Variants in CA10 observed in about 807,000 individuals in gnomAD.
The protein encoded by CA10 is carbonic anhydrase 10 (inactive), also known as carbonic anhydrase-related protein 10.
CA10 carries 14 observed loss-of-function variants against 44.2 expected under a neutral mutation model. The ratio of observed to expected loss-of-function variants is 0.32; its 90% CI spans 0.21 to 0.50. The LOEUF (loss-of-function observed/expected upper bound fraction) is 0.50. Ranked by LOEUF, CA10 falls within the 20% of genes least tolerant of loss-of-function variation. The pLI is 0.99. For synonymous variants in CA10, 159 were observed against 141.6 expected, an observed-to-expected ratio of 1.12 and a Z score of -0.87; for missense variants, 350 against 409.7, an observed-to-expected ratio of 0.85 and a Z score of 1.26.
At chr17:51,735,154 T>C (rs1916857498) in intron 4 of CA10, among the ~76,000 whole-genome samples, 1 of 152,124 alleles carries the variant, frequency 6.6e-6, no homozygotes, top group African/African-American at 2.4e-5. Flanking sequence ...TTGTTAGATA[T>C]GGATGGAGGA....
chr17:51,723,355 A>G (rs770248294), intron 4 of CA10, among the ~76,000 whole-genome samples: 13 of 152,200 alleles, frequency 8.5e-5, no homozygotes, highest in Non-Finnish European at 1.8e-4. Flanking sequence ...AGGATGAATC[A>G]TGAAGTTGAA....
chr17:51,987,557 T>A (rs1172883122), intron 2 of CA10, among the ~76,000 whole-genome samples: 2 of 151,596 alleles, frequency 1.3e-5, no homozygotes, highest in African/African-American at 2.4e-5. Context: ...TAGAAAAGAT[T>A]TTAAAAAAGG....
At chr17:51,818,172 C>T (rs1186312522) in intron 3 of CA10, among the ~76,000 whole-genome samples, 1 of 152,236 alleles carries the variant, frequency 6.6e-6, no homozygotes, top group Non-Finnish European at 1.5e-5. Context: ...CTGAGCCTCA[C>T]TCCATTCAAC....
At chr17:51,726,934 T>C (rs1253185970) in intron 4 of CA10, among the ~76,000 whole-genome samples, 2 of 152,220 alleles carry the variant, frequency 1.3e-5, no homozygotes, top group Non-Finnish European at 2.9e-5. Context: ...GGTCTTCTGA[T>C]TCTCAGTTAG....
At chr17:51,706,793 C>T (rs1423570393) in intron 4 of CA10, among the ~76,000 whole-genome samples, 2 of 152,160 alleles carry the variant, frequency 1.3e-5, no homozygotes, top group Non-Finnish European at 2.9e-5. Flanking sequence ...TCTTGCCACA[C>T]ACCAGGCACA....
rs572821004 is a variant in CA10, at chr17:51,659,939, T to C, written c.466-6203A>G. 1.7e-4 allele frequency among the ~76,000 whole-genome samples: 26 copies of C among 152,284 alleles called. No homozygotes were observed. In the South Asian group the frequency reaches 4.8e-3, roughly 28 times the overall value. ...ATATCCATCATCACATCCCTGGTGA[T>C]GGGATTTGGCTCAGAGGAGATGTTG... On this transcript the variant is annotated intron_variant, in intron 4 of 8. Coordinates refer to ENST00000451037, the MANE Select transcript of CA10 (RefSeq NM_020178.5).
intron 4 of CA10, among the ~76,000 whole-genome samples, chr17:51,713,422 C>T (rs992515652): frequency 2.6e-5 from 4 of 152,064 alleles, no homozygotes; most frequent in Admixed American, 6.6e-5. Context: ...GCGGGGACAA[C>T]GGGAGGACTT....
At chr17:51,887,809 G>GA (rs1980675355) in intron 3 of CA10, among the ~76,000 whole-genome samples, 1 of 149,434 alleles carries the variant, frequency 6.7e-6, no homozygotes, top group African/African-American at 2.5e-5. Context: ...GGCCAAGATG[G>GA]TGAAACCCCT....
At chr17:51,807,952 G>T in intron 3 of CA10, among the ~76,000 whole-genome samples, 1 of 152,212 alleles carries the variant, frequency 6.6e-6, no homozygotes, top group East Asian at 1.9e-4. Flanking sequence ...ATAAAAATCT[G>T]CCAATATATC....
At chr17:52,024,360 AG>A (rs2144159719) in intron 2 of CA10, among the ~76,000 whole-genome samples, 1 of 152,274 alleles carries the variant, frequency 6.6e-6, no homozygotes, top group African/African-American at 2.4e-5. Context: ...TTATGTAAAA[AG>A]ATAATAATGT....
At chr17:52,034,994 A>G (rs1372288147) in intron 2 of CA10, among the ~76,000 whole-genome samples, 1 of 152,166 alleles carries the variant, frequency 6.6e-6, no homozygotes, top group Admixed American at 6.5e-5. Flanking sequence ...GAACTGTATA[A>G]CTGGAAGGCT....
intron 4 of CA10, among the ~76,000 whole-genome samples, chr17:51,669,026 C>A (rs1914312350): frequency 6.6e-6 from 1 of 152,200 alleles, no homozygotes; most frequent in Admixed American, 6.5e-5. Context: ...GGCTGGGGAC[C>A]TGCAGCTTGC....
chr17:52,101,174 G>C (rs1302436263), intron 1 of CA10, among the ~76,000 whole-genome samples: 1 of 152,154 alleles, frequency 6.6e-6, no homozygotes, highest in Non-Finnish European at 1.5e-5. Context: ...ATGCAAGTGA[G>C]AGCTAAGTCC....
Position 51,923,466 on chromosome 17 carries a change from C to A in CA10, c.279+7524G>T, listed in dbSNP as rs560279313. Among the ~76,000 whole-genome samples the A allele has an allele frequency of 2.0e-5, 3 of 152,188 alleles. No homozygotes were observed. In the South Asian group the frequency reaches 6.2e-4, roughly 32 times the overall value. ...ATTAATCATTTCTTAATATCTATAC[C>A]GCTATTATCTCAAATAGTTATTTAA... is the stretch of plus-strand genomic sequence containing the variant. On this transcript the variant is annotated intron_variant, in intron 3 of 8. Coordinates refer to ENST00000451037, the MANE Select transcript of CA10 (RefSeq NM_020178.5).
intron 3 of CA10, among the ~76,000 whole-genome samples, chr17:51,819,348 CCA>C (rs1361472908): frequency 6.6e-6 from 1 of 152,192 alleles, no homozygotes; most frequent in African/African-American, 2.4e-5. Flanking sequence ...TCCTTCCTGG[CCA>C]CAGAGCTGAT....
At chr17:51,686,401 C>T (rs970008725) in intron 4 of CA10, among the ~76,000 whole-genome samples, 6 of 152,140 alleles carry the variant, frequency 3.9e-5, no homozygotes, top group Non-Finnish European at 8.8e-5. Flanking sequence ...CACTATCTCA[C>T]CAAAGTATCT....
intron 3 of CA10, among the ~76,000 whole-genome samples, chr17:51,894,338 A>G (rs997700103): frequency 6.6e-6 from 1 of 152,062 alleles, no homozygotes; most frequent in African/African-American, 2.4e-5. Flanking sequence ...TCCTGAATAA[A>G]CTGGTGAATC....
chr17:52,026,991 ATTATT>A (rs1986322605), intron 2 of CA10, among the ~76,000 whole-genome samples: 1 of 152,124 alleles, frequency 6.6e-6, no homozygotes, highest in African/African-American at 2.4e-5. Flanking sequence ...CTTGATTTCT[ATTATT>A]ACATTGTAAT....
At chr17:51,986,676 A>T (rs1206386468) in intron 2 of CA10, among the ~76,000 whole-genome samples, 2 of 152,016 alleles carry the variant, frequency 1.3e-5, no homozygotes, top group Non-Finnish European at 2.9e-5. Context: ...AAAACAAATA[A>T]TCCCATCACA....
Sources: gnomAD v4.1 joint callset for allele counts (sites outside exome capture counted in the v4.1 genomes callset) on GRCh38, gnomAD v4.1.1 for gene constraint, MANE v1.5 for transcripts, NCBI Gene and HGNC (gene_info 2026-07-23, HGNC 2026-07-21) for gene names.